LYPD6B: variants seen among roughly 807,000 people sequenced by gnomAD.
LYPD6B encodes the protein ly6/PLAUR domain-containing protein 6B.
LYPD6B carries 17 observed loss-of-function variants against 22.8 expected under a neutral mutation model. That is an observed-to-expected ratio of 0.75 (90% confidence interval 0.51 to 1.12). The LOEUF is 1.12. LYPD6B is among the 50% of genes most tolerant of loss of function. The pLI is 0.00. For synonymous variants in LYPD6B, 106 were observed against 91.6 expected (o/e 1.16, Z -0.90); for missense variants, 221 against 258.3 (o/e 0.86, Z 0.99).
At chr2:149,178,755 C>A (rs1335476790) in intron 3 of LYPD6B, among the ~76,000 whole-genome samples, 1 of 152,146 alleles carries the variant, frequency 6.6e-6, no homozygotes, top group Non-Finnish European at 1.5e-5. Context: ...TCTTCTCTTT[C>A]TCAACAAATG....
chr2:149,053,565 T>C (rs1390330594), intron 1 of LYPD6B, among the ~76,000 whole-genome samples: 1 of 152,232 alleles, frequency 6.6e-6, no homozygotes, highest in Non-Finnish European at 1.5e-5. Context: ...TATCTCACTG[T>C]TATTATTTAA....
chr2:149,165,992 C>G (rs229337), intron 3 of LYPD6B, among the ~76,000 whole-genome samples: 74,883 of 151,990 alleles, frequency 0.49, 20,316 homozygotes, highest in African/African-American at 0.71. Flanking sequence ...ATGGAACACA[C>G]AGTAATTCTC....
rs138148210 is a variant in LYPD6B, at chr2:149,177,340, A to G, written c.77+16505A>G. On this transcript the variant is annotated intron_variant, in intron 3 of 6. Transcript: ENST00000409642. ...CCATCAAATATGTAGCCATGTGGCTAAGGTGGTAACTAACAAAGCTGGCTG... is the reference window on the plus strand; with the variant it reads ...CCATCAAATATGTAGCCATGTGGCTGAGGTGGTAACTAACAAAGCTGGCTG... Among the ~76,000 whole-genome samples the G allele has an allele frequency of 2.6e-5, 4 of 152,338 alleles. No individual in the cohort carries two copies. In the East Asian group the frequency reaches 7.7e-4, roughly 29 times the overall value.
At chr2:149,181,620 GTC>G (rs1691728737) in intron 3 of LYPD6B, among the ~76,000 whole-genome samples, 1 of 152,116 alleles carries the variant, frequency 6.6e-6, no homozygotes, top group Non-Finnish European at 1.5e-5. Flanking sequence ...TTGCAAAAAA[GTC>G]TCATTGCTTG....
At chr2:149,050,224 C>G (rs778739551) in intron 1 of LYPD6B, among the ~76,000 whole-genome samples, 4 of 151,620 alleles carry the variant, frequency 2.6e-5, no homozygotes, top group Non-Finnish European at 5.9e-5. Context: ...AGTTTTGGAG[C>G]AATCACCGAT....
chr2:149,130,067 A>C (rs1232227343), intron 1 of LYPD6B, among the ~76,000 whole-genome samples: 1 of 152,198 alleles, frequency 6.6e-6, no homozygotes, highest in Non-Finnish European at 1.5e-5. Context: ...CTAAGAGGCC[A>C]ACTTGACCAG....
chr2:149,214,030 A>G (rs1394727242), intron 6 of LYPD6B, among the ~76,000 whole-genome samples: 1 of 152,178 alleles, frequency 6.6e-6, no homozygotes, highest in Non-Finnish European at 1.5e-5. Context: ...AACACCAGTT[A>G]GGGACAAGCC....
intron 1 of LYPD6B, among the ~76,000 whole-genome samples, chr2:149,086,317 A>G (rs992451482): frequency 1.3e-5 from 2 of 152,192 alleles, no homozygotes; most frequent in Non-Finnish European, 2.9e-5. Context: ...CAAGGAGAAG[A>G]GTGGGCTGGT....
chr2:149,072,166 A>T (rs899230389), intron 1 of LYPD6B, among the ~76,000 whole-genome samples: 2 of 152,180 alleles, frequency 1.3e-5, no homozygotes, highest in African/African-American at 4.8e-5. Context: ...TCCTGATCTC[A>T]AGTGATCTGC....
chr2:149,178,250 A>G (rs960923290), intron 3 of LYPD6B, among the ~76,000 whole-genome samples: 1 of 152,220 alleles, frequency 6.6e-6, no homozygotes, highest in African/African-American at 2.4e-5. Flanking sequence ...GATTCAGCAT[A>G]TAGACAGTGT....
chr2:149,178,056 T>G (rs1211692318), intron 3 of LYPD6B, among the ~76,000 whole-genome samples: 1 of 151,468 alleles, frequency 6.6e-6, no homozygotes, highest in African/African-American at 2.4e-5. Context: ...CAAGAAGTAT[T>G]TTTTTTTTCA....
intron 3 of LYPD6B, among the ~76,000 whole-genome samples, chr2:149,201,406 C>T (rs542190674): frequency 2.2e-4 from 34 of 152,288 alleles, no homozygotes; most frequent in African/African-American, 7.7e-4. Flanking sequence ...CTATTGTGAC[C>T]TTGATCTGCC....
intron 1 of LYPD6B, among the ~76,000 whole-genome samples, chr2:149,049,492 T>C (rs1261535626): frequency 1.3e-5 from 2 of 152,332 alleles, no homozygotes; most frequent in East Asian, 3.9e-4. Flanking sequence ...AAAACACTCG[T>C]TCAGTCCATC....
At chr2:149,041,422 C>T (rs938965661) in intron 1 of LYPD6B, among the ~76,000 whole-genome samples, 2 of 152,134 alleles carry the variant, frequency 1.3e-5, no homozygotes, top group East Asian at 3.8e-4. Flanking sequence ...AAGTTCCCCG[C>T]GTCACTGGCC....
At chr2:149,119,975 C>T (rs1687204347) in intron 1 of LYPD6B, among the ~76,000 whole-genome samples, 1 of 151,728 alleles carries the variant, frequency 6.6e-6, no homozygotes, top group African/African-American at 2.4e-5. Flanking sequence ...ATTAAATGTA[C>T]ATTATTGTGA....
rs530843194 is a variant in LYPD6B, at chr2:149,196,817, CTA to C, written c.78-8434_78-8433del. Reference sequence around the variant, plus strand: ...AAACTTTATTTTTACGATCATTTTTCTATGTCAGCTGAGGCTAAACGAAGTCA... The same window carrying C: ...AAACTTTATTTTTACGATCATTTTTCTGTCAGCTGAGGCTAAACGAAGTCA... On this transcript the variant is annotated intron_variant, in intron 3 of 6. Coordinates refer to ENST00000409642, the MANE Select transcript of LYPD6B (RefSeq NM_177964.5). 2.0e-5 allele frequency among the ~76,000 whole-genome samples: 3 copies of C among 152,296 alleles called. No individual in the cohort carries two copies. The South Asian group carries it at 6.2e-4, about 32-fold the overall frequency.
chr2:149,038,806 G>A lies in LYPD6B; in HGVS notation c.-67+5G>A, dbSNP rs1394843035. The A allele has an allele frequency of 6.6e-6, 1 of 150,708 alleles. No homozygotes were observed. The highest frequency in any genetic ancestry group is 1.5e-5 in the Non-Finnish European group (1 of 67,590). The allele number at this position is 150,708 out of a possible 1,614,324, so 9.3% of individuals were successfully genotyped here. ...TCGGTGGGCGCGGGCGGCGAGGTGAGCTGGGCCAGCGCAGCAGGCGGGGGC... is the reference window on the plus strand; with the variant it reads ...TCGGTGGGCGCGGGCGGCGAGGTGAACTGGGCCAGCGCAGCAGGCGGGGGC... On this transcript the variant is annotated splice_donor_5th_base_variant and intron_variant, in intron 1 of 6. Transcript: ENST00000409642.
At chr2:149,064,154 A>G (rs1684220340) in intron 1 of LYPD6B, among the ~76,000 whole-genome samples, 1 of 152,186 alleles carries the variant, frequency 6.6e-6, no homozygotes, top group Non-Finnish European at 1.5e-5. Context: ...TTTGACACTA[A>G]CTAGTCTTCT....
intron 3 of LYPD6B, among the ~76,000 whole-genome samples, chr2:149,176,369 T>C (rs1249885230): frequency 2.6e-5 from 4 of 152,192 alleles, no homozygotes; most frequent in Non-Finnish European, 5.9e-5. Context: ...AAATAATACC[T>C]AGTAAAGATG....
Sources: gnomAD v4.1 joint callset for allele counts (sites outside exome capture counted in the v4.1 genomes callset) on GRCh38, gnomAD v4.1.1 for gene constraint, MANE v1.5 for transcripts, NCBI Gene and HGNC (gene_info 2026-07-23, HGNC 2026-07-21) for gene names.